TVP23B: variants seen among roughly 807,000 people sequenced by gnomAD.
TVP23B encodes Golgi apparatus membrane protein TVP23 homolog B.
TVP23B carries 10 observed loss-of-function variants against 30.6 expected under a neutral mutation model. The observed-to-expected ratio is 0.33, with a 90% CI of 0.20 to 0.55. TVP23B has a LOEUF of 0.55. Among genes scored for constraint, TVP23B ranks in the 20% least tolerant of loss-of-function variants. The pLI, the probability that TVP23B is intolerant of heterozygous loss-of-function variation, is 0.91. For synonymous variants in TVP23B, 67 were observed against 83.1 expected, an observed-to-expected ratio of 0.81 and a Z score of 1.06; for missense variants, 153 against 243.2, an observed-to-expected ratio of 0.63 and a Z score of 2.47.
intron 6 of TVP23B, chr17:18,804,625 G>A: frequency 9.0e-7 from 1 of 1,108,734 alleles, no homozygotes; most frequent in Non-Finnish European, 1.1e-6. Context: ...GTTTTGCTCT[G>A]TCGCCCAGGC....
At chr17:18,784,001 C>T (rs186866934) in intron 1 of TVP23B, among the ~76,000 whole-genome samples, 43 of 151,980 alleles carry the variant, frequency 2.8e-4, no homozygotes, top group African/African-American at 9.2e-4. Context: ...ACAAATTAGC[C>T]GGGGGTGGTG....
chr17:18,795,418 C>T (rs554806015), intron 3 of TVP23B, among the ~76,000 whole-genome samples: 38 of 152,244 alleles, frequency 2.5e-4, no homozygotes, highest in African/African-American at 6.5e-4. Flanking sequence ...TCAGTTGCCT[C>T]CTTCCTACTC....
intron 1 of TVP23B, among the ~76,000 whole-genome samples, chr17:18,785,385 CTT>C (rs61537943): frequency 2.2e-5 from 3 of 137,750 alleles, no homozygotes; most frequent in African/African-American, 2.7e-5. Flanking sequence ...AGCTATTTGT[CTT>C]TTTTTTTTTT....
rs1385048943 is a variant in TVP23B at position 18,802,778 on chromosome 17, C to T, written c.463-1360C>T. 1.1e-4 allele frequency among the ~76,000 whole-genome samples: 17 copies of T among 152,172 alleles called. No individual in the cohort carries two copies. The East Asian group carries it at 1.7e-3, about 15-fold the overall frequency. On this transcript the variant is annotated intron_variant, in intron 5 of 6. Coordinates refer to ENST00000307767, the MANE Select transcript of TVP23B (RefSeq NM_016078.6). ...TAACATTTGTTGCCATTGAGTAAAT[C>T]GATGCCTTAGCAGGACCCATGATTG...
intron 1 of TVP23B, among the ~76,000 whole-genome samples, chr17:18,784,037 C>T (rs1285721677): frequency 2.0e-5 from 3 of 151,922 alleles, no homozygotes; most frequent in Admixed American, 2.0e-4. Context: ...CCCAGCTACT[C>T]GGGAAGCTGA....
chr17:18,781,257 A>C lies in TVP23B; in HGVS notation c.-37A>C. On this transcript the variant is annotated 5_prime_UTR_variant, in exon 1 of 7. Coordinates refer to ENST00000307767, the MANE Select transcript of TVP23B (RefSeq NM_016078.6). ...CCCGGACCCGTACGCTGCTGCGCTG[A>C]CGTGGCTCCCGGAAGTAGGGCTGGC... The C allele has an allele frequency of 1.3e-6, 2 of 1,562,022 alleles. No homozygotes were observed. Among genetic ancestry groups the C allele is most frequent in the Non-Finnish European group, 1.7e-6 (2 of 1,153,972 alleles).
rs201133102 is a variant in TVP23B, at chr17:18,789,405, C to T, written c.65C>T (p.Thr22Met). The change falls in exon 2 of 7, where the codon ACG becomes ATG. Residue 22 changes from threonine to methionine, a missense_variant. Around this residue, in one of 3 missense-constraint regions of TVP23B, gnomAD observed 38 missense variants for 40.9 expected, o/e 0.93. Coordinates refer to ENST00000307767, the MANE Select transcript of TVP23B (RefSeq NM_016078.6). ...DVSLFDAEEE[T>M]TNRPRKAKIR... is the part of the protein sequence containing the mutation. ...TCACTGTTTGATGCGGAAGAGGAGA[C>T]GACTAATAGACCAAGAAAAGCCAAA... 2.5e-4 allele frequency: 411 copies of T among 1,613,838 alleles called. No homozygotes were observed. The highest frequency in any genetic ancestry group is 1.2e-3 in the Middle Eastern group (7 of 6,056).
chr17:18,791,202 T>G (rs564515928), intron 3 of TVP23B, among the ~76,000 whole-genome samples, 162 bp downstream of exon 3: 5 of 146,768 alleles, frequency 3.4e-5, no homozygotes, highest in African/African-American at 1.2e-4. Context: ...TTTTTTTTTT[T>G]TTTTTTTTTT....
At chr17:18,793,176 T>A (rs1057115724) in intron 3 of TVP23B, among the ~76,000 whole-genome samples, 2 of 152,130 alleles carry the variant, frequency 1.3e-5, no homozygotes, top group Admixed American at 1.3e-4. Flanking sequence ...TAGGTGATGT[T>A]AATGAAGATA....
chr17:18,788,507 C>T (rs1265110643), intron 1 of TVP23B, among the ~76,000 whole-genome samples: 2 of 152,130 alleles, frequency 1.3e-5, no homozygotes, highest in African/African-American at 4.8e-5. Flanking sequence ...AGAGGCCGGG[C>T]GTGGTGGCTC....
At chr17:18,801,510 G>A (rs144638234) in intron 5 of TVP23B, among the ~76,000 whole-genome samples, 10,064 of 149,800 alleles carry the variant, frequency 0.067, 156 homozygotes, top group East Asian at 0.17. Flanking sequence ...TGGGTTTGGT[G>A]GCCTGAAGAC....
intron 5 of TVP23B, among the ~76,000 whole-genome samples, chr17:18,802,004 C>A (rs1166035201): frequency 1.3e-5 from 2 of 152,048 alleles, no homozygotes; most frequent in Non-Finnish European, 2.9e-5. Flanking sequence ...GGGCGGATCA[C>A]GAGGTCAGGA....
chr17:18,794,063 C>G (rs979778754), intron 3 of TVP23B, among the ~76,000 whole-genome samples: 13 of 151,656 alleles, frequency 8.6e-5, no homozygotes, highest in African/African-American at 3.1e-4. Context: ...AAAATTATAT[C>G]AAACTATGTA....
At chr17:18,790,478 AAG>A (rs532868599) in intron 2 of TVP23B, among the ~76,000 whole-genome samples, 58,427 of 114,704 alleles carry the variant, frequency 0.51, 12,921 homozygotes, top group East Asian at 0.72. Context: ...AAAAAAAAAA[AAG>A]AAAAGAAAGA....
Position 18,805,573 on chromosome 17 carries a change from G to A in TVP23B, c.*6G>A. 6.2e-7 allele frequency: 1 copy of A among 1,607,042 alleles called. No homozygotes were observed. Among genetic ancestry groups the A allele is most frequent in the Non-Finnish European group, 8.5e-7 (1 of 1,177,892 alleles). On this transcript the variant is annotated 3_prime_UTR_variant, in exon 7 of 7. Transcript: ENST00000307767. The stretch of plus-strand genomic sequence containing the variant: ...GAGATGATCAGACTTCCTGAATAGA[G>A]AAAGCTTATGTGCTTTGTTACATTG...
chr17:18,787,094 A>G, intron 1 of TVP23B, among the ~76,000 whole-genome samples: 2 of 151,506 alleles, frequency 1.3e-5, no homozygotes, highest in Non-Finnish European at 2.9e-5. Flanking sequence ...AGGATTTACT[A>G]CAATGCAAAG....
In TVP23B at chr17:18,782,753, G is replaced by C. The variant is rs562408406; in HGVS notation, c.12+1448G>C. ...ATGTTGCCATGGCATTTGTAAACTG[G>C]CATGGCGCTGATGGGAGTCTAGTAG... On this transcript the variant is annotated intron_variant, in intron 1 of 6. Coordinates refer to ENST00000307767, the MANE Select transcript of TVP23B (RefSeq NM_016078.6). 5.3e-5 allele frequency among the ~76,000 whole-genome samples: 8 copies of C among 151,974 alleles called. No homozygotes were observed. The East Asian group carries it at 1.6e-3, about 29-fold the overall frequency.
At chr17:18,789,247 C>T (rs1369220164) in intron 1 of TVP23B, 106 bp from the exon 2 acceptor site, 3 of 1,478,712 alleles carry the variant, frequency 2.0e-6, no homozygotes, top group Non-Finnish European at 9.2e-7. Context: ...ATGCTGTAAC[C>T]ACATTATTTT....
chr17:18,801,233 G>C (rs2589685), intron 5 of TVP23B, among the ~76,000 whole-genome samples: 5,253 of 145,642 alleles, frequency 0.036, 127 homozygotes, highest in Middle Eastern at 0.074. Context: ...GAAATAGTCC[G>C]AGGAATGCTT....
Sources: gnomAD v4.1 joint callset for allele counts (sites outside exome capture counted in the v4.1 genomes callset) on GRCh38, gnomAD v4.1.1 for gene constraint, gnomAD v4.1.1 regional missense constraint, MANE v1.5 for transcripts, NCBI Gene and HGNC (gene_info 2026-07-23, HGNC 2026-07-21) for gene names.